The following NELL1 variants were observed in gnomAD, a reference collection of about 807,000 sequenced individuals.
NELL1 encodes the protein protein kinase C-binding protein NELL1.
In NELL1, 76 loss-of-function variants were observed where a neutral mutation model predicts 107.4. The ratio of observed to expected loss-of-function variants is 0.71; its 90% confidence interval spans 0.59 to 0.86. The LOEUF (loss-of-function observed/expected upper bound fraction) is 0.86, where lower values mean the gene tolerates loss of function less well. NELL1 is among the 40% of genes least tolerant of loss of function. The pLI, the probability that NELL1 is intolerant of heterozygous loss-of-function variation, is 0.00. For synonymous variants in NELL1, 353 were observed against 341.2 expected (o/e 1.03, Z -0.38); for missense variants, 1,024 against 1,005.5 (o/e 1.02, Z -0.25).
At chr11:20,862,913 G>A (rs1433905291) in intron 4 of NELL1, among the ~76,000 whole-genome samples, 1 of 152,116 alleles carries the variant, frequency 6.6e-6, no homozygotes, top group African/African-American at 2.4e-5. Flanking sequence ...GAGAGCACAG[G>A]GTTGGGGGTA....
intron 13 of NELL1, among the ~76,000 whole-genome samples, chr11:21,195,285 C>G (rs1216851376): frequency 1.3e-5 from 2 of 151,992 alleles, no homozygotes; most frequent in African/African-American, 4.8e-5. Context: ...AATGTCAAAC[C>G]TTATAAATTA....
At chr11:21,247,569 G>A (rs1565129417) in intron 14 of NELL1, among the ~76,000 whole-genome samples, 1 of 152,138 alleles carries the variant, frequency 6.6e-6, no homozygotes, top group Non-Finnish European at 1.5e-5. Context: ...AGCACGCATG[G>A]AGGTGTCATC....
At chr11:21,456,131 G>A (rs1019018233) in intron 15 of NELL1, among the ~76,000 whole-genome samples, 3 of 152,126 alleles carry the variant, frequency 2.0e-5, no homozygotes, top group African/African-American at 7.2e-5. Context: ...GGCCTCAGGT[G>A]ATCCACCTGC....
intron 12 of NELL1, among the ~76,000 whole-genome samples, chr11:21,073,022 C>T (rs1854052550): frequency 6.6e-6 from 1 of 152,042 alleles, no homozygotes; most frequent in Non-Finnish European, 1.5e-5. Flanking sequence ...ATAGCAAGAT[C>T]CCTGAACCCT....
At chr11:21,169,319 A>G (rs924501651) in intron 13 of NELL1, among the ~76,000 whole-genome samples, 1 of 151,874 alleles carries the variant, frequency 6.6e-6, no homozygotes, top group South Asian at 2.1e-4. Context: ...GTTTCAGTAT[A>G]AAATAAAGAA....
At chr11:20,691,348 C>T (rs1445818033) in intron 2 of NELL1, among the ~76,000 whole-genome samples, 4 of 150,888 alleles carry the variant, frequency 2.7e-5, no homozygotes, top group Non-Finnish European at 5.9e-5. Flanking sequence ...GAGAGGGCAT[C>T]CCTGTCTTGT....
intron 10 of NELL1, among the ~76,000 whole-genome samples, chr11:20,938,519 G>A (rs1432976856): frequency 6.6e-6 from 1 of 152,144 alleles, no homozygotes; most frequent in Non-Finnish European, 1.5e-5. Flanking sequence ...TGAAGGAATA[G>A]AGAGGTCTGA....
chr11:20,926,427 T>G (rs1469544107), intron 7 of NELL1, among the ~76,000 whole-genome samples: 2 of 151,976 alleles, frequency 1.3e-5, no homozygotes, highest in African/African-American at 4.8e-5. Context: ...TGGATTACAA[T>G]GAAAACCTAG....
intron 13 of NELL1, among the ~76,000 whole-genome samples, chr11:21,179,405 A>G (rs906452309): frequency 6.6e-6 from 1 of 151,802 alleles, no homozygotes; most frequent in Non-Finnish European, 1.5e-5. Flanking sequence ...GGCTTAAAAA[A>G]ACTCATTTAT....
At chr11:21,058,326 G>C (rs1005462128) in intron 12 of NELL1, among the ~76,000 whole-genome samples, 6 of 152,088 alleles carry the variant, frequency 3.9e-5, no homozygotes, top group African/African-American at 1.4e-4. Flanking sequence ...AAAATAGTTT[G>C]AGTCTGACAG....
chr11:20,745,406 G>A (rs1347671452), intron 2 of NELL1, among the ~76,000 whole-genome samples: 1 of 152,132 alleles, frequency 6.6e-6, no homozygotes, highest in Non-Finnish European at 1.5e-5. Context: ...AATCATAACA[G>A]CAATCGAAAG....
At chr11:21,023,107 A>G (rs1378282823) in intron 12 of NELL1, among the ~76,000 whole-genome samples, 1 of 152,082 alleles carries the variant, frequency 6.6e-6, no homozygotes, top group African/African-American at 2.4e-5. Flanking sequence ...ATTTATAGGG[A>G]AATTTGAAAA....
intron 2 of NELL1, among the ~76,000 whole-genome samples, chr11:20,706,802 T>C (rs10219147): frequency 1 from 151,855 of 152,312 alleles, 75,704 homozygotes; most frequent in Middle Eastern, 1. Context: ...TCTCTGGCTG[T>C]CCTTAATATT....
intron 2 of NELL1, among the ~76,000 whole-genome samples, chr11:20,728,109 G>A (rs1329858432): frequency 2.6e-5 from 4 of 152,002 alleles, no homozygotes; most frequent in Non-Finnish European, 4.4e-5. Flanking sequence ...GTATCTTTTC[G>A]AGGAGTGTTT....
chr11:20,890,122 C>T lies in NELL1; in HGVS notation c.603+4582C>T, dbSNP rs192216006. On this transcript the variant is annotated intron_variant, in intron 5 of 19. Transcript: ENST00000357134. ...CTACTGGCATCAGTTTGGTGTCGTT[C>T]GAGGTCAGAGGTCCCAGAAGGAGCA... Among the ~76,000 whole-genome samples the T allele has an allele frequency of 2.3e-4, 35 of 152,206 alleles. 1 individual carries two copies. The highest frequency in any genetic ancestry group is 8.2e-4 in the African/African-American group (34 of 41,528).
intron 15 of NELL1, among the ~76,000 whole-genome samples, chr11:21,379,253 A>G (rs921055448): frequency 6.6e-6 from 1 of 152,102 alleles, no homozygotes; most frequent in African/African-American, 2.4e-5. Context: ...ACTGGACACA[A>G]CTACCCAAGT....
chr11:21,521,239 T>G (rs1855717537), intron 15 of NELL1, among the ~76,000 whole-genome samples: 1 of 152,240 alleles, frequency 6.6e-6, no homozygotes, highest in Non-Finnish European at 1.5e-5. Context: ...TTCCTTGTAG[T>G]TTCTTCTTTA....
intron 14 of NELL1, among the ~76,000 whole-genome samples, chr11:21,318,575 C>CGGGA (rs1565165165): frequency 1.1e-4 from 17 of 152,170 alleles, no homozygotes; most frequent in African/African-American, 3.6e-4. Context: ...CCTCATAATA[C>CGGGA]CTCTATTTTT....
chr11:21,200,780 G>A (rs1007503526), intron 13 of NELL1, among the ~76,000 whole-genome samples: 1 of 152,188 alleles, frequency 6.6e-6, no homozygotes, highest in Non-Finnish European at 1.5e-5. Context: ...TTAAGTTTAA[G>A]TCTTTAATCC....
Sources: allele counts gnomAD v4.1 joint callset (sites outside exome capture counted in the v4.1 genomes callset), GRCh38; gene constraint gnomAD v4.1.1; transcripts MANE v1.5; gene names NCBI Gene and HGNC (gene_info 2026-07-23, HGNC 2026-07-21).